RSBN1: variants seen among roughly 807,000 people sequenced by gnomAD.
RSBN1 encodes lysine-specific demethylase 9.
In RSBN1, 23 loss-of-function variants were observed where a neutral mutation model predicts 74.8. The ratio of observed to expected loss-of-function variants is 0.31; its 90% CI spans 0.22 to 0.44. The LOEUF is 0.44. Ranked by LOEUF, RSBN1 falls within the 20% of genes least tolerant of loss-of-function variation. The pLI, the probability that RSBN1 is intolerant of heterozygous loss-of-function variation, is 1.00. For missense variants in RSBN1, 808 were observed against 1,020.9 expected (o/e 0.79, Z 2.84); for synonymous variants, 407 against 379.6 (o/e 1.07, Z -0.84).
chr1:113,792,558 G>A (rs1431712629), intron 2 of RSBN1, among the ~76,000 whole-genome samples: 1 of 152,154 alleles, frequency 6.6e-6, no homozygotes, highest in East Asian at 1.9e-4. Context: ...TTTTAAATTA[G>A]CCAATTGTAA....
At chr1:113,805,341 G>A (rs1319728880) in intron 1 of RSBN1, among the ~76,000 whole-genome samples, 1 of 152,088 alleles carries the variant, frequency 6.6e-6, no homozygotes, top group Non-Finnish European at 1.5e-5. Context: ...TGCCCACCTT[G>A]GTCTGGGAAT....
chr1:113,782,296 G>C (rs1660154131), intron 2 of RSBN1, among the ~76,000 whole-genome samples: 1 of 152,156 alleles, frequency 6.6e-6, no homozygotes, highest in South Asian at 2.1e-4. Context: ...AGGTAAGTTA[G>C]ATTTGGAGTT....
chr1:113,810,384 AACACAC>A (rs113663525), intron 1 of RSBN1, among the ~76,000 whole-genome samples: 22 of 146,728 alleles, frequency 1.5e-4, no homozygotes, highest in South Asian at 8.8e-4. Flanking sequence ...GTACAGTTAA[AACACAC>A]ACACACACAC....
chr1:113,772,632 A>T (rs1179205620), intron 4 of RSBN1, among the ~76,000 whole-genome samples: 1 of 152,226 alleles, frequency 6.6e-6, no homozygotes, highest in Non-Finnish European at 1.5e-5. Flanking sequence ...ACAGCTTCTC[A>T]CATTTTTATT....
At chr1:113,805,202 C>G (rs1226144452) in intron 1 of RSBN1, among the ~76,000 whole-genome samples, 1 of 151,970 alleles carries the variant, frequency 6.6e-6, no homozygotes, top group Non-Finnish European at 1.5e-5. Flanking sequence ...GTGCAACCTC[C>G]GCCTTCCAGG....
At chr1:113,800,936 A>G (rs1257528463) in intron 1 of RSBN1, among the ~76,000 whole-genome samples, 2 of 152,102 alleles carry the variant, frequency 1.3e-5, no homozygotes, top group African/African-American at 4.8e-5. Context: ...AAAAATTTTA[A>G]ATATGAAGTA....
chr1:113,790,887 T>C (rs969056995), intron 2 of RSBN1, among the ~76,000 whole-genome samples: 1 of 152,170 alleles, frequency 6.6e-6, no homozygotes, highest in Non-Finnish European at 1.5e-5. Flanking sequence ...AACCAAAATT[T>C]CCAGAAGAGG....
Position 113,797,501 on chromosome 1 carries a change from T to G in RSBN1, c.1239A>C (p.Ala413=), listed in dbSNP as rs1195383532. Residue 413 remains alanine (A), a synonymous_variant, in exon 2 of 7, where the codon GCA becomes GCC. Transcript: ENST00000261441. ...GATAAGCAGCCGCTCCATGCACTAT[T>G]GCTAAAGCATAGTAAGCAGCATTTT... ...NEKNAAYYAL[A]IVHGAAAYLP... 1 of 1,613,922 alleles carries G rather than the reference T, an allele frequency of 6.2e-7. No individual in the cohort carries two copies. Among genetic ancestry groups the G allele is most frequent in the Non-Finnish European group, 8.5e-7 (1 of 1,179,990 alleles).
intron 2 of RSBN1, among the ~76,000 whole-genome samples, chr1:113,793,971 AAC>A (rs1660420789): frequency 6.6e-6 from 1 of 152,092 alleles, no homozygotes; most frequent in South Asian, 2.1e-4. Context: ...CCAGCCTCCT[AAC>A]AGTTATTTCT....
At chr1:113,782,985 C>T (rs897703170) in intron 2 of RSBN1, among the ~76,000 whole-genome samples, 8 of 152,062 alleles carry the variant, frequency 5.3e-5, no homozygotes, top group Non-Finnish European at 7.4e-5. Flanking sequence ...CAGATTATTT[C>T]GTTGTTGTTG....
At chr1:113,779,117 T>G (rs781266761) in intron 2 of RSBN1, among the ~76,000 whole-genome samples, 2 of 152,204 alleles carry the variant, frequency 1.3e-5, no homozygotes, top group Non-Finnish European at 1.5e-5. Context: ...AAAATGCAGA[T>G]TAAATTTAAA....
rs1419469832 is a variant in RSBN1 at position 113,762,679 on chromosome 1, A to G, written c.*3301T>C. On this transcript the variant is annotated 3_prime_UTR_variant, in exon 7 of 7. Transcript: ENST00000261441. ...AAGAATATATTCACTAAGCGTTTTC[A>G]TGGATTTGGGAGTCTTGTTCCTATA... 1 of 152,784 alleles carries G rather than the reference A, an allele frequency of 6.5e-6. No individual in the cohort carries two copies. The highest frequency in any genetic ancestry group is 1.9e-4 in the East Asian group (1 of 5,340). 9.5% of individuals were successfully genotyped at this position (152,784 alleles called of 1,614,324 possible). A position where few individuals can be genotyped will look rare whatever the true frequency, so the allele number is the denominator to read the frequency against.
intron 4 of RSBN1, among the ~76,000 whole-genome samples, chr1:113,775,966 G>A (rs1218807784): frequency 2.6e-5 from 4 of 152,290 alleles, no homozygotes; most frequent in African/African-American, 9.6e-5. Flanking sequence ...TTAAGGTTTA[G>A]ATTAGTCCAT....
chr1:113,800,484 T>C (rs1466850081), intron 1 of RSBN1, among the ~76,000 whole-genome samples: 1 of 152,174 alleles, frequency 6.6e-6, no homozygotes, highest in Non-Finnish European at 1.5e-5. Context: ...TAAATGTTAA[T>C]GCCATTCAAT....
At chr1:113,774,834 G>T (rs1659989678) in intron 4 of RSBN1, among the ~76,000 whole-genome samples, 1 of 152,148 alleles carries the variant, frequency 6.6e-6, no homozygotes, top group Admixed American at 6.5e-5. Flanking sequence ...CAGCCTAGGT[G>T]ACAGAGTAAG....
chr1:113,774,441 G>T (rs556953850), intron 4 of RSBN1, among the ~76,000 whole-genome samples: 1 of 151,944 alleles, frequency 6.6e-6, no homozygotes, highest in Admixed American at 6.6e-5. Flanking sequence ...TTGGGAGGCC[G>T]AGGCGGGTGG....
At chr1:113,787,553 C>T (rs1227126508) in intron 2 of RSBN1, among the ~76,000 whole-genome samples, 1 of 152,152 alleles carries the variant, frequency 6.6e-6, no homozygotes. Context: ...TTTTTCCTCA[C>T]CTTATTTGTG....
intron 1 of RSBN1, among the ~76,000 whole-genome samples, chr1:113,801,271 C>T (rs1011455757): frequency 3.3e-5 from 5 of 152,192 alleles, no homozygotes; most frequent in South Asian, 2.1e-4. Flanking sequence ...GCGTGAGCCA[C>T]GACGCCCGGC....
rs1659751736 is a variant in RSBN1 at position 113,764,957 on chromosome 1, A to C, written c.*1023T>G. 1 of 152,306 alleles carries C rather than the reference A, an allele frequency of 6.6e-6. No individual in the cohort carries two copies. The highest frequency in any genetic ancestry group is 1.9e-4 in the East Asian group (1 of 5,326). 9.4% of individuals were successfully genotyped at this position (152,306 alleles called of 1,614,324 possible). ...AGTGCTGTATTCTTTCTTAGAAAATAGCAACACAGAGTAATAGTAAATAAA... is the reference window on the plus strand; with the variant it reads ...AGTGCTGTATTCTTTCTTAGAAAATCGCAACACAGAGTAATAGTAAATAAA... On this transcript the variant is annotated 3_prime_UTR_variant, in exon 7 of 7. Transcript: ENST00000261441.
Sources: allele counts gnomAD v4.1 joint callset (sites outside exome capture counted in the v4.1 genomes callset), GRCh38; gene constraint gnomAD v4.1.1; transcripts MANE v1.5; gene names NCBI Gene and HGNC (gene_info 2026-07-23, HGNC 2026-07-21).